RMI1: variants seen among roughly 807,000 people sequenced by gnomAD.
RMI1 encodes recQ-mediated genome instability protein 1.
RMI1 carries 36 observed loss-of-function variants against 46.7 expected under a neutral mutation model. The ratio of observed to expected loss-of-function variants is 0.77; its 90% CI spans 0.59 to 1.02. The LOEUF is 1.02. Among genes scored for constraint, RMI1 ranks in the 50% least tolerant of loss-of-function variants. The probability of loss-of-function intolerance (pLI) is 0.00; values close to 1 mark genes in which losing one functional copy is unlikely to be tolerated. For missense variants in RMI1, 676 were observed against 713.7 expected, an observed-to-expected ratio of 0.95 and a Z score of 0.60; for synonymous variants, 250 against 252.9, an observed-to-expected ratio of 0.99 and a Z score of 0.11.
chr9:83,996,997 G>A (rs1000936495), intron 1 of RMI1, among the ~76,000 whole-genome samples: 1 of 151,502 alleles, frequency 6.6e-6, no homozygotes, highest in African/African-American at 2.4e-5. Context: ...GACATGGGGC[G>A]GGATGCAGGG....
intron 1 of RMI1, among the ~76,000 whole-genome samples, chr9:83,992,044 T>G (rs1957582719): frequency 6.6e-6 from 1 of 152,242 alleles, no homozygotes; most frequent in Admixed American, 6.5e-5. Context: ...TGAATGGAAT[T>G]GCATTGAATC....
intron 1 of RMI1, among the ~76,000 whole-genome samples, chr9:83,983,507 T>C (rs977376881): frequency 6.6e-6 from 1 of 152,178 alleles, no homozygotes; most frequent in African/African-American, 2.4e-5. Flanking sequence ...ATAATGGAAC[T>C]GTGGAGTAGA....
chr9:84,003,482 C>T lies in RMI1; in HGVS notation c.*618C>T, dbSNP rs1427269562. On this transcript the variant is annotated 3_prime_UTR_variant, in exon 3 of 3. Transcript: ENST00000445877. ...GTTAATAATTATAAATAGGTAATTT[C>T]CTTCTAATATGTTGGTACTGTCTAT... The T allele has an allele frequency of 6.0e-6, 1 of 166,864 alleles. No individual in the cohort carries two copies. Among genetic ancestry groups the T allele is most frequent in the Admixed American group, 6.6e-5 (1 of 15,252 alleles). 10.3% of individuals were successfully genotyped at this position (166,864 alleles called of 1,614,324 possible).
At chr9:83,990,270 A>G (rs1254897270) in intron 1 of RMI1, among the ~76,000 whole-genome samples, 1 of 152,166 alleles carries the variant, frequency 6.6e-6, no homozygotes, top group African/African-American at 2.4e-5. Flanking sequence ...TAATCCCAGC[A>G]TGGGAGGCTG....
At chr9:83,982,495 C>T (rs1957429771) in intron 1 of RMI1, among the ~76,000 whole-genome samples, 1 of 151,546 alleles carries the variant, frequency 6.6e-6, no homozygotes, top group African/African-American at 2.4e-5. Context: ...AACCCCGTCT[C>T]TACTAAAAAG....
intron 1 of RMI1, among the ~76,000 whole-genome samples, chr9:83,983,529 G>T (rs296894): frequency 0.14 from 20,823 of 151,948 alleles, 1,943 homozygotes; most frequent in Middle Eastern, 0.24. Flanking sequence ...TTAAATATTC[G>T]TTAGTGCTTT....
Position 84,003,046 on chromosome 9 carries a change from CT to C in RMI1, c.*199del, listed in dbSNP as rs10602387. 198,123 of 318,252 alleles carry C rather than the reference CT, an allele frequency of 0.62. 50,582 individuals are homozygous for C. Among genetic ancestry groups the C allele is most frequent in the Admixed American group, 0.74 (15,478 of 20,954 alleles). 19.7% of individuals were successfully genotyped at this position (318,252 alleles called of 1,614,324 possible). A position where few individuals can be genotyped will look rare whatever the true frequency, so the allele number is the denominator to read the frequency against. The stretch of plus-strand genomic sequence containing the variant: ...GTGGAGCTTTTGAAAATAAGTTAAT[CT>C]TTTTTTTTTTTTTTTTAATGTCAGG... On this transcript the variant is annotated 3_prime_UTR_variant, in exon 3 of 3. Coordinates refer to ENST00000445877, the MANE Select transcript of RMI1 (RefSeq NM_001358291.2).
chr9:83,999,188 T>TA (rs113984540), intron 1 of RMI1, among the ~76,000 whole-genome samples: 19,912 of 149,500 alleles, frequency 0.13, 1,412 homozygotes, highest in East Asian at 0.17. Context: ...TAAAATAAAA[T>TA]AAAAAAAAAT....
chr9:84,001,099 A>G lies in RMI1; in HGVS notation c.113A>G (p.Asn38Ser), dbSNP rs1389276758. ...TGTATTAACTGGATTCAAGAAGAAA[A>G]TAATAATGTTAACTTGAGTCAGGCC... Reference protein sequence around the residue: ...EACINWIQEENNNVNLSQAQM... With the variant: ...EACINWIQEESNNVNLSQAQM... Residue 38 changes from asparagine (N) to serine (S), a missense_variant, in exon 3 of 3, where the codon AAT (asparagine) becomes AGT (serine). By Grantham distance (46) the Asn-to-Ser change is conservative. Transcript: ENST00000445877. 1.9e-6 allele frequency: 3 copies of G among 1,614,038 alleles called. No individual in the cohort carries two copies. Among genetic ancestry groups the G allele is most frequent in the African/African-American group, 1.3e-5 (1 of 74,940 alleles).
chr9:83,999,574 A>G (rs909316593), intron 1 of RMI1, 135 bp from the exon 2 acceptor site: 3 of 152,190 alleles, frequency 2.0e-5, no homozygotes, highest in African/African-American at 7.2e-5. Flanking sequence ...CTTAGAGAGA[A>G]TGTGTAACTT....
intron 1 of RMI1, among the ~76,000 whole-genome samples, chr9:83,996,339 T>C (rs1957653121): frequency 6.6e-6 from 1 of 152,232 alleles, no homozygotes; most frequent in African/African-American, 2.4e-5. Flanking sequence ...TTTGGCCCAG[T>C]TCCAGCAAGG....
At chr9:83,989,860 G>A (rs1412456641) in intron 1 of RMI1, among the ~76,000 whole-genome samples, 1 of 152,020 alleles carries the variant, frequency 6.6e-6, no homozygotes, top group Non-Finnish European at 1.5e-5. Flanking sequence ...CTAAAAGAAA[G>A]GAAATCAATG....
rs919767028 is a variant in RMI1, at chr9:84,001,739, T to C, written c.753T>C (p.Leu251=). The C allele has an allele frequency of 2.4e-5, 38 of 1,613,902 alleles. No homozygotes were observed. Among genetic ancestry groups the C allele is most frequent in the Non-Finnish European group, 3.1e-5 (37 of 1,179,984 alleles). Residue 251 remains leucine (L), a synonymous_variant, in exon 3 of 3, where the codon CTT becomes CTC. Coordinates refer to ENST00000445877, the MANE Select transcript of RMI1 (RefSeq NM_001358291.2). ...CTGATGAAGAACTCTTGGCAAGTCT[T>C]GATGAAAATGATGAGCTTACAGCAA... The part of the protein sequence containing the change: ...GPSDEELLAS[L]DENDELTANN...
intron 1 of RMI1, among the ~76,000 whole-genome samples, chr9:83,992,155 C>A (rs1473761824): frequency 6.6e-6 from 1 of 152,090 alleles, no homozygotes; most frequent in Non-Finnish European, 1.5e-5. Context: ...TTTTTAATTT[C>A]TTTAATCTGT....
At position 84,002,604 on chromosome 9, in the gene RMI1, T is replaced by C; in HGVS notation, c.1618T>C (p.Tyr540His). 6.2e-7 allele frequency: 1 copy of C among 1,613,982 alleles called. No individual in the cohort carries two copies. The highest frequency in any genetic ancestry group is 1.3e-5 in the African/African-American group (1 of 75,048). Residue 540 changes from tyrosine to histidine, a missense_variant, in exon 3 of 3, where the codon TAT becomes CAT. Transcript: ENST00000445877. ...ITAKVSDGTAYLDVDFVDEIL... is the reference protein window; with the variant it reads ...ITAKVSDGTAHLDVDFVDEIL... The stretch of plus-strand genomic sequence containing the variant: ...TGCAAAGGTGTCTGATGGTACTGCA[T>C]ATCTAGATGTAGACTTTGTGGATGA...
At chr9:83,990,475 A>C (rs979508547) in intron 1 of RMI1, among the ~76,000 whole-genome samples, 1 of 150,938 alleles carries the variant, frequency 6.6e-6, no homozygotes, top group African/African-American at 2.4e-5. Context: ...GCGCCGCTGC[A>C]CTCCAGCCTG....
intron 1 of RMI1, among the ~76,000 whole-genome samples, chr9:83,999,391 A>C (rs139319652): frequency 6.6e-6 from 1 of 152,264 alleles, no homozygotes; most frequent in African/African-American, 2.4e-5. Context: ...TCAGATAAGG[A>C]TAAGTAGGAT....
intron 1 of RMI1, among the ~76,000 whole-genome samples, chr9:83,996,892 T>TA (rs1957661818): frequency 6.6e-6 from 1 of 151,876 alleles, no homozygotes; most frequent in Non-Finnish European, 1.5e-5. Flanking sequence ...TTTTTTTTTT[T>TA]AATCAGGCAT....
intron 1 of RMI1, among the ~76,000 whole-genome samples, chr9:83,988,161 GGTGTGTGCCACCACACCTGGC>G (rs1957519708): frequency 6.6e-6 from 1 of 152,164 alleles, no homozygotes; most frequent in Non-Finnish European, 1.5e-5. Context: ...TGGGATTACA[GGTGTGTGCCACCACACCTGGC>G]CACATACAGG....
Sources: gnomAD v4.1 joint callset for allele counts (sites outside exome capture counted in the v4.1 genomes callset) on GRCh38, gnomAD v4.1.1 for gene constraint, MANE v1.5 for transcripts, NCBI Gene and HGNC (gene_info 2026-07-23, HGNC 2026-07-21) for gene names.